The following INPP5A variants were observed in gnomAD, a reference collection of about 807,000 sequenced individuals.
INPP5A encodes inositol polyphosphate-5-phosphatase A, also known as 43 kDa inositol polyphosphate 5-phophatase.
INPP5A carries 14 observed loss-of-function variants against 65.2 expected under a neutral mutation model. That is an observed-to-expected ratio of 0.21 (90% CI 0.14 to 0.34). The LOEUF (loss-of-function observed/expected upper bound fraction) is 0.34, where lower values mean the gene tolerates loss of function less well. Ranked by LOEUF, INPP5A falls within the 10% of genes least tolerant of loss-of-function variation. The pLI is 1.00. For synonymous variants in INPP5A, 207 were observed against 208.3 expected, an observed-to-expected ratio of 0.99 and a Z score of 0.05; for missense variants, 431 against 545.6, an observed-to-expected ratio of 0.79 and a Z score of 2.09.
At chr10:132,713,909 C>G (rs1227048536) in intron 8 of INPP5A, among the ~76,000 whole-genome samples, 1 of 152,162 alleles carries the variant, frequency 6.6e-6, no homozygotes, top group Admixed American at 6.5e-5. Context: ...GACTGATGAC[C>G]GCCTGTGCCC....
At chr10:132,626,522 G>A (rs1024657047) in intron 2 of INPP5A, among the ~76,000 whole-genome samples, 1 of 152,204 alleles carries the variant, frequency 6.6e-6, no homozygotes, top group Non-Finnish European at 1.5e-5. Flanking sequence ...CCCTGACACC[G>A]CTAAGTGCCT....
chr10:132,689,348 C>T (rs185030610), intron 4 of INPP5A, among the ~76,000 whole-genome samples: 177 of 152,316 alleles, frequency 1.2e-3, no homozygotes, highest in Admixed American at 3.9e-3. Flanking sequence ...GTGCCCTCCT[C>T]TCTGGCCCAC....
intron 9 of INPP5A, among the ~76,000 whole-genome samples, chr10:132,729,913 C>T (rs1422503284): frequency 6.6e-6 from 1 of 152,230 alleles, no homozygotes; most frequent in Non-Finnish European, 1.5e-5. Context: ...CAGTAAAGAG[C>T]TTCAGCAACC....
intron 11 of INPP5A, among the ~76,000 whole-genome samples, chr10:132,760,925 GAC>G (rs2134665487): frequency 6.6e-6 from 1 of 152,338 alleles, no homozygotes; most frequent in East Asian, 1.9e-4. Context: ...CGGGGAGAGG[GAC>G]CCACTTTCAG....
intron 2 of INPP5A, among the ~76,000 whole-genome samples, chr10:132,641,630 G>A (rs139122086): frequency 6.6e-6 from 1 of 152,356 alleles, no homozygotes; most frequent in East Asian, 1.9e-4. Flanking sequence ...CTTCGCAAGG[G>A]CCCCGTGTTG....
At chr10:132,557,691 G>C (rs926848820) in intron 1 of INPP5A, among the ~76,000 whole-genome samples, 1 of 152,204 alleles carries the variant, frequency 6.6e-6, no homozygotes, top group Non-Finnish European at 1.5e-5. Flanking sequence ...TCATTTTGAG[G>C]GGTCAGACCA....
chr10:132,611,582 C>G (rs182058019), intron 2 of INPP5A, among the ~76,000 whole-genome samples: 18 of 125,126 alleles, frequency 1.4e-4, no homozygotes, highest in Non-Finnish European at 2.7e-4. Context: ...GAGGCCCTGT[C>G]AGGGGAGGGT....
At chr10:132,677,638 C>T (rs892682134) in intron 4 of INPP5A, among the ~76,000 whole-genome samples, 4 of 152,198 alleles carry the variant, frequency 2.6e-5, no homozygotes, top group Admixed American at 2.0e-4. Flanking sequence ...TTCAGTTGCT[C>T]CTCACCGTGG....
intron 1 of INPP5A, among the ~76,000 whole-genome samples, chr10:132,582,804 A>G (rs755099000): frequency 1.3e-5 from 2 of 152,350 alleles, no homozygotes; most frequent in South Asian, 4.1e-4. Context: ...CCATCAGTCC[A>G]TTGAATTTTA....
intron 6 of INPP5A, among the ~76,000 whole-genome samples, chr10:132,703,924 G>T (rs112695031): frequency 5.1e-5 from 3 of 58,784 alleles, no homozygotes; most frequent in Admixed American, 2.6e-4. Context: ...ACACACACAC[G>T]CAAGCTTCAC....
At chr10:132,606,858 A>G (rs548824485) in intron 1 of INPP5A, among the ~76,000 whole-genome samples, 2 of 152,314 alleles carry the variant, frequency 1.3e-5, no homozygotes, top group African/African-American at 4.8e-5. Flanking sequence ...CCACAACATT[A>G]AATTTACCAC....
chr10:132,624,476 C>T (rs2072153109), intron 2 of INPP5A, among the ~76,000 whole-genome samples: 1 of 130,914 alleles, frequency 7.6e-6, no homozygotes, highest in Non-Finnish European at 1.7e-5. Flanking sequence ...CTGCACTTCC[C>T]ACCGGCGTGT....
At position 132,659,735 on chromosome 10, in the gene INPP5A, C is replaced by T. The variant is rs551489037; in HGVS notation, c.306+9230C>T. Among the ~76,000 whole-genome samples the T allele has an allele frequency of 2.6e-5, 4 of 152,358 alleles. No homozygotes were observed. The highest frequency in any genetic ancestry group is 9.6e-5 in the African/African-American group (4 of 41,586). ...GCAGGCGGCAACCTTGCCTGGCACT[C>T]ACCAGGGCCTCCTCCCCAGCACTGT... On this transcript the variant is annotated intron_variant, in intron 4 of 15. Transcript: ENST00000368594. This position sits in a 1 kb window ranked among gnomAD's most constrained non-coding sequence, Gnocchi z 5.5.
At chr10:132,567,268 A>G (rs1053745543) in intron 1 of INPP5A, among the ~76,000 whole-genome samples, 8 of 152,186 alleles carry the variant, frequency 5.3e-5, no homozygotes, top group Admixed American at 2.6e-4. Flanking sequence ...AAATACCCAA[A>G]CAACCAAAAC....
In INPP5A at chr10:132,674,480, C is replaced by G. The variant is rs2072936454; in HGVS notation, c.307-15912C>G. Among the ~76,000 whole-genome samples, 2 of 152,202 alleles carry G rather than the reference C, an allele frequency of 1.3e-5. No individual in the cohort carries two copies. Among genetic ancestry groups the G allele is most frequent in the South Asian group, 2.1e-4 (1 of 4,826 alleles). ...ATACCGTGCAGAACCATCTGTGAAC[C>G]AGGCCCCGGTCTTCTCTTCCTCTGT... On this transcript the variant is annotated intron_variant, in intron 4 of 15. Transcript: ENST00000368594. This position sits in a 1 kb window ranked among gnomAD's most constrained non-coding sequence, Gnocchi z 4.4.
intron 5 of INPP5A, among the ~76,000 whole-genome samples, chr10:132,694,790 A>C (rs1845320050): frequency 6.6e-6 from 1 of 152,222 alleles, no homozygotes. Context: ...GTAATAACTT[A>C]GATGGGCCAA....
chr10:132,764,575 ACGGC>A (rs1846798725), intron 11 of INPP5A, among the ~76,000 whole-genome samples: 1 of 139,258 alleles, frequency 7.2e-6, no homozygotes, highest in Admixed American at 7.2e-5. Flanking sequence ...TGACAGGAAC[ACGGC>A]CGGGCCAGTC....
At chr10:132,653,671 T>C (rs1438126128) in intron 4 of INPP5A, among the ~76,000 whole-genome samples, 4 of 152,218 alleles carry the variant, frequency 2.6e-5, no homozygotes, top group Admixed American at 2.6e-4. Flanking sequence ...TGGAAAAGTC[T>C]CAAATATTTG....
chr10:132,753,905 G>C lies in INPP5A; in HGVS notation c.903+4060G>C, dbSNP rs1375700829. ...CACTTTGTAATCAAGAAGAATGTGG[G>C]AGACCATGCGAAATTGGTGATCATG... is the stretch of plus-strand genomic sequence containing the variant. On this transcript the variant is annotated intron_variant, in intron 11 of 15. Transcript: ENST00000368594. This position sits in a 1 kb window ranked among gnomAD's most constrained non-coding sequence, Gnocchi z 5.3. 6.6e-6 allele frequency: 1 copy of C among 152,244 alleles called. No homozygotes were observed. Among genetic ancestry groups the C allele is most frequent in the East Asian group, 1.9e-4 (1 of 5,192 alleles). 9.4% of individuals were successfully genotyped at this position (152,244 alleles called of 1,614,324 possible). A position where few individuals can be genotyped will look rare whatever the true frequency, so the allele number is the denominator to read the frequency against.
Sources: gnomAD v4.1 joint callset for allele counts (sites outside exome capture counted in the v4.1 genomes callset) on GRCh38, gnomAD v4.1.1 for gene constraint, Gnocchi (gnomAD v3.1) non-coding constraint, MANE v1.5 for transcripts, NCBI Gene and HGNC (gene_info 2026-07-23, HGNC 2026-07-21) for gene names.